The following SLC45A4 variants were observed in gnomAD, a reference collection of about 807,000 sequenced individuals.
SLC45A4 encodes the protein solute carrier family 45 member 4.
SLC45A4 carries 32 observed loss-of-function variants against 63.7 expected under a neutral mutation model. That is an observed-to-expected ratio of 0.50 (90% CI 0.38 to 0.67). The LOEUF (loss-of-function observed/expected upper bound fraction) is 0.67. Among genes scored for constraint, SLC45A4 ranks in the 30% least tolerant of loss-of-function variants. The pLI is 0.00. For synonymous variants in SLC45A4, 535 were observed against 510.0 expected, an observed-to-expected ratio of 1.05 and a Z score of -0.66; for missense variants, 1,027 against 1,157.7, an observed-to-expected ratio of 0.89 and a Z score of 1.64.
chr8:141,216,486 T>G (rs1826162187), intron 6 of SLC45A4, among the ~76,000 whole-genome samples: 1 of 152,230 alleles, frequency 6.6e-6, no homozygotes, highest in African/African-American at 2.4e-5. Context: ...GTTCAAGCGG[T>G]GACAATGCCG....
At chr8:141,253,301 G>A (rs979065880) in intron 2 of SLC45A4, 3 of 190,114 alleles carry the variant, frequency 1.6e-5, no homozygotes, top group Non-Finnish European at 3.3e-5. Flanking sequence ...GCGTGTGTCT[G>A]TGAATTTCTG....
chr8:141,233,371 A>G lies in SLC45A4; in HGVS notation c.242-11606T>C, dbSNP rs183696232. ...GGTTACTATTGCAGTTTATCAATAAAGATCTTGGGTATTTAAAAATTAAAA... is the reference window on the plus strand; with the variant it reads ...GGTTACTATTGCAGTTTATCAATAAGGATCTTGGGTATTTAAAAATTAAAA... On this transcript the variant is annotated intron_variant, in intron 2 of 8. Coordinates refer to ENST00000517878, the MANE Select transcript of SLC45A4 (RefSeq NM_001286646.2). Among the ~76,000 whole-genome samples the G allele has an allele frequency of 1.7e-3, 260 of 152,352 alleles. 1 individual carries two copies. Among genetic ancestry groups the G allele is most frequent in the Admixed American group, 5.3e-3 (81 of 15,310 alleles).
intron 1 of SLC45A4, among the ~76,000 whole-genome samples, chr8:141,304,576 G>C (rs1052104992): frequency 3.0e-4 from 45 of 151,178 alleles, no homozygotes; most frequent in Admixed American, 9.2e-4. Flanking sequence ...AAAAAAAAGG[G>C]GGGGAGAGAG....
chr8:141,297,414 G>A (rs939775844), intron 1 of SLC45A4, among the ~76,000 whole-genome samples: 1 of 152,270 alleles, frequency 6.6e-6, no homozygotes, highest in African/African-American at 2.4e-5. Flanking sequence ...AAGGCTCTGA[G>A]GGGATCAGGA....
chr8:141,298,424 G>A (rs1313564455), intron 1 of SLC45A4, among the ~76,000 whole-genome samples: 2 of 152,204 alleles, frequency 1.3e-5, no homozygotes, highest in Non-Finnish European at 2.9e-5. Context: ...GCCTGGCACT[G>A]AGCAGCCACC....
intron 1 of SLC45A4, among the ~76,000 whole-genome samples, chr8:141,272,140 T>A (rs1829564023): frequency 6.6e-6 from 1 of 152,244 alleles, no homozygotes; most frequent in Admixed American, 6.5e-5. Flanking sequence ...AAATTTTCAT[T>A]TTCATTGATC....
chr8:141,218,263 G>A lies in SLC45A4; in HGVS notation c.1377C>T (p.Tyr459=), dbSNP rs145312490. Residue 459 remains tyrosine (Y), a synonymous_variant, in exon 5 of 9, where the codon TAC becomes TAT. Coordinates refer to ENST00000517878, the MANE Select transcript of SLC45A4 (RefSeq NM_001286646.2). ...IKPSRSMSDL[Y]DMQKRQRQHR... ...GCTGCCGCTGCCGCTTCTGCATGTC[G>A]TACAGGTCGCTCATGCTGCGCGACG... is the stretch of plus-strand genomic sequence containing the variant. The A allele has an allele frequency of 2.8e-3, 4,553 of 1,603,184 alleles. 18 individuals are homozygous for A. The highest frequency in any genetic ancestry group is 3.2e-3 in the Non-Finnish European group (3,787 of 1,179,784).
intron 2 of SLC45A4, among the ~76,000 whole-genome samples, chr8:141,241,030 C>A (rs909862346): frequency 6.6e-6 from 1 of 152,270 alleles, no homozygotes; most frequent in African/African-American, 2.4e-5. Context: ...CGCTTTGGGG[C>A]GCTGTGGGCC....
rs542881539 is a variant in SLC45A4 at position 141,217,171 on chromosome 8, C to G, written c.1648G>C (p.Ala550Pro). 1.2e-6 allele frequency: 2 copies of G among 1,613,736 alleles called. No individual in the cohort carries two copies. The highest frequency in any genetic ancestry group is 1.7e-6 in the Non-Finnish European group (2 of 1,179,976). ...GDPKAPSNST[A>P]WQAYNAGVKM... The stretch of plus-strand genomic sequence containing the variant: ...ACCCCGGCGTTGTAGGCTTGCCAGG[C>G]GGTCGAGTTCGAGGGGGCCTGTTCC... The change falls in exon 6 of 9, where the codon GCC becomes CCC. Residue 550 changes from alanine (A) to proline (P), a missense_variant. Coordinates refer to ENST00000517878, the MANE Select transcript of SLC45A4 (RefSeq NM_001286646.2).
intron 8 of SLC45A4, 146 bp downstream of exon 8, chr8:141,212,051 A>G (rs983995730): frequency 6.1e-5 from 83 of 1,366,874 alleles, no homozygotes; most frequent in Non-Finnish European, 6.6e-5. Flanking sequence ...ATGGGGGCGG[A>G]GGGGCTCTGG....
chr8:141,297,571 A>C (rs1249813154), intron 1 of SLC45A4, among the ~76,000 whole-genome samples: 1 of 152,248 alleles, frequency 6.6e-6, no homozygotes, highest in Non-Finnish European at 1.5e-5. Context: ...TTACAACCAC[A>C]AACTGGCACC....
At chr8:141,261,817 C>T (rs1008036652) in intron 1 of SLC45A4, among the ~76,000 whole-genome samples, 7 of 152,206 alleles carry the variant, frequency 4.6e-5, no homozygotes, top group African/African-American at 1.7e-4. Flanking sequence ...TTTATAGATT[C>T]AATGCCATCC....
chr8:141,229,662 C>T lies in SLC45A4; in HGVS notation c.242-7897G>A, dbSNP rs1827238333. On this transcript the variant is annotated intron_variant, in intron 2 of 8. Coordinates refer to ENST00000517878, the MANE Select transcript of SLC45A4 (RefSeq NM_001286646.2). This position sits in a 1 kb window ranked among gnomAD's most constrained non-coding sequence, Gnocchi z 5.0. ...CATGGCAGAGACCCTGCTGCCACTC[C>T]AGTGCGTGCCAGGTGGGCCCTGACA... is the stretch of plus-strand genomic sequence containing the variant. Among the ~76,000 whole-genome samples the T allele has an allele frequency of 6.6e-6, 1 of 152,164 alleles. No homozygotes were observed. The highest frequency in any genetic ancestry group is 2.1e-4 in the South Asian group (1 of 4,834).
chr8:141,296,832 T>C (rs35281658), intron 1 of SLC45A4, among the ~76,000 whole-genome samples: 12,174 of 108,554 alleles, frequency 0.11, 824 homozygotes, highest in Non-Finnish European at 0.18. Flanking sequence ...CGAGACTCCA[T>C]TGCCAAAAAA....
At chr8:141,307,447 C>T (rs1030434086) in intron 1 of SLC45A4, among the ~76,000 whole-genome samples, 1 of 152,020 alleles carries the variant, frequency 6.6e-6, no homozygotes, top group African/African-American at 2.4e-5. Flanking sequence ...GCGGTGCAGG[C>T]TGGGGGTCCG....
Position 141,215,721 on chromosome 8 carries a change from A to C in SLC45A4, c.1941+38T>G. On this transcript the variant is annotated intron_variant, in intron 7 of 8. Transcript: ENST00000517878. This position sits in a 1 kb window ranked among gnomAD's most constrained non-coding sequence, Gnocchi z 4.3. Reference sequence around the variant, plus strand: ...TCTGTATGGAGGGAAGGCACTCAGGAGGCTGGAGCGCAGATCTCAGGGCTA... The same window carrying C: ...TCTGTATGGAGGGAAGGCACTCAGGCGGCTGGAGCGCAGATCTCAGGGCTA... The C allele has an allele frequency of 6.3e-7, 1 of 1,597,094 alleles. No homozygotes were observed. Among genetic ancestry groups the C allele is most frequent in the Non-Finnish European group, 8.5e-7 (1 of 1,170,408 alleles).
intron 1 of SLC45A4, among the ~76,000 whole-genome samples, chr8:141,284,009 A>G (rs1305544843): frequency 6.6e-6 from 1 of 152,182 alleles, no homozygotes; most frequent in East Asian, 1.9e-4. Flanking sequence ...CTTCCTGCTC[A>G]TCCTAATGGC....
At chr8:141,238,762 T>C (rs79286730) in intron 2 of SLC45A4, among the ~76,000 whole-genome samples, 20,449 of 152,080 alleles carry the variant, frequency 0.13, 1,689 homozygotes, top group East Asian at 0.29. Flanking sequence ...CCCTCCCCAA[T>C]ACCAGGCATG....
At chr8:141,250,762 CG>C in intron 2 of SLC45A4, among the ~76,000 whole-genome samples, 1 of 152,272 alleles carries the variant, frequency 6.6e-6, no homozygotes, top group Non-Finnish European at 1.5e-5. Context: ...AATCCATTTT[CG>C]ACTCAAGGTA....
Sources: allele counts gnomAD v4.1 joint callset (sites outside exome capture counted in the v4.1 genomes callset), GRCh38; gene constraint gnomAD v4.1.1; non-coding constraint Gnocchi (gnomAD v3.1); transcripts MANE v1.5; gene names NCBI Gene and HGNC (gene_info 2026-07-23, HGNC 2026-07-21).